PRKG1: variants seen among roughly 807,000 people sequenced by gnomAD.
PRKG1 encodes cGMP-dependent protein kinase 1.
Under a neutral mutation model 88.1 loss-of-function variants are expected in PRKG1, and 35 were observed. The ratio of observed to expected loss-of-function variants is 0.40; its 90% CI spans 0.30 to 0.53. PRKG1 has a LOEUF of 0.53. Among genes scored for constraint, PRKG1 ranks in the 20% least tolerant of loss-of-function variants. PRKG1 has a pLI of 0.59. For missense variants in PRKG1, 540 were observed against 839.8 expected (o/e 0.64, Z 4.41); for synonymous variants, 303 against 292.5 (o/e 1.04, Z -0.37).
intron 2 of PRKG1, among the ~76,000 whole-genome samples, chr10:51,305,659 G>C (rs562483180): frequency 6.6e-6 from 1 of 152,126 alleles, no homozygotes; most frequent in Non-Finnish European, 1.5e-5. Flanking sequence ...TGATTTCAGC[G>C]TCTTCCTTAT....
chr10:51,963,337 A>G (rs1843491081), intron 5 of PRKG1, among the ~76,000 whole-genome samples: 1 of 152,234 alleles, frequency 6.6e-6, no homozygotes, highest in Admixed American at 6.5e-5. Context: ...ATGATGATTT[A>G]GCACGTGCTA....
intron 3 of PRKG1, chr10:51,568,497 C>T (rs1837665258): frequency 6.6e-6 from 1 of 151,904 alleles, no homozygotes; most frequent in Non-Finnish European, 1.5e-5. Context: ...GCCTTGACCT[C>T]TCAAAGTGCT....
intron 2 of PRKG1, among the ~76,000 whole-genome samples, chr10:51,445,641 G>T (rs756534484): frequency 7.3e-5 from 11 of 151,712 alleles, no homozygotes; most frequent in Non-Finnish European, 1.5e-4. Context: ...TGAACAGATG[G>T]CCTATTCATT....
At chr10:51,873,162 A>C (rs1299078601) in intron 4 of PRKG1, among the ~76,000 whole-genome samples, 1 of 152,168 alleles carries the variant, frequency 6.6e-6, no homozygotes, top group African/African-American at 2.4e-5. Context: ...TAAACATGAT[A>C]AATATCATTC....
chr10:52,110,401 T>C (rs888208478), intron 7 of PRKG1, among the ~76,000 whole-genome samples: 4 of 152,112 alleles, frequency 2.6e-5, no homozygotes, highest in Non-Finnish European at 5.9e-5. Context: ...CGTGTAGATC[T>C]CTTTTTGTAC....
chr10:52,290,788 T>A (rs1185783765), intron 17 of PRKG1, among the ~76,000 whole-genome samples: 1 of 152,138 alleles, frequency 6.6e-6, no homozygotes, highest in African/African-American at 2.4e-5. Context: ...CCCAGGAATT[T>A]GAGCTTACAG....
intron 3 of PRKG1, among the ~76,000 whole-genome samples, chr10:51,579,611 G>A (rs1015499724): frequency 6.6e-6 from 1 of 152,078 alleles, no homozygotes; most frequent in African/African-American, 2.4e-5. Flanking sequence ...AAATGGAAGA[G>A]AAAAAGCCAA....
intron 3 of PRKG1, among the ~76,000 whole-genome samples, chr10:51,751,778 A>G (rs1296396558): frequency 6.6e-6 from 1 of 151,386 alleles, no homozygotes; most frequent in African/African-American, 2.4e-5. Flanking sequence ...CTTGAACTCC[A>G]TGTGTTTCCA....
At chr10:51,655,298 T>A (rs1267319231) in intron 3 of PRKG1, among the ~76,000 whole-genome samples, 4 of 152,170 alleles carry the variant, frequency 2.6e-5, no homozygotes, top group Admixed American at 1.3e-4. Flanking sequence ...TGGTTATACA[T>A]AAGATTCTGT....
At chr10:51,026,985 T>A (rs1054948205) in intron 1 of PRKG1, among the ~76,000 whole-genome samples, 4 of 152,154 alleles carry the variant, frequency 2.6e-5, no homozygotes, top group Non-Finnish European at 5.9e-5. Flanking sequence ...CAAATCTATA[T>A]CTGTCAAATC....
At chr10:51,170,214 G>A (rs970787546) in intron 2 of PRKG1, among the ~76,000 whole-genome samples, 10 of 151,906 alleles carry the variant, frequency 6.6e-5, no homozygotes, top group Middle Eastern at 6.3e-3. Context: ...GACAGAATAC[G>A]AAGTTTCTAT....
chr10:51,577,143 AG>A (rs1837909477), intron 3 of PRKG1, among the ~76,000 whole-genome samples: 2 of 152,124 alleles, frequency 1.3e-5, no homozygotes, highest in East Asian at 1.9e-4. Flanking sequence ...TTTATCTAAA[AG>A]CTTTTCCTGG....
chr10:52,224,637 A>G (rs1196689096), intron 9 of PRKG1, among the ~76,000 whole-genome samples: 1 of 141,372 alleles, frequency 7.1e-6, no homozygotes, highest in African/African-American at 2.6e-5. Flanking sequence ...CCATTGTATC[A>G]TTCTTATGCC....
At chr10:51,557,343 C>T (rs1554821451) in intron 3 of PRKG1, among the ~76,000 whole-genome samples, 2 of 135,298 alleles carry the variant, frequency 1.5e-5, no homozygotes, top group Non-Finnish European at 3.2e-5. Context: ...GCATACACCA[C>T]CACCCCCCCA....
chr10:51,145,119 G>T (rs1845912127), intron 1 of PRKG1, among the ~76,000 whole-genome samples: 1 of 152,160 alleles, frequency 6.6e-6, no homozygotes, highest in African/African-American at 2.4e-5. Flanking sequence ...ACACATAGTG[G>T]TGGTGTGAGT....
chr10:52,162,505 A>G (rs1838302489), intron 9 of PRKG1, among the ~76,000 whole-genome samples: 1 of 152,122 alleles, frequency 6.6e-6, no homozygotes, highest in African/African-American at 2.4e-5. Context: ...AAGTAAGTTG[A>G]TATTAGCTTT....
rs144910550 is a variant in PRKG1 at position 51,167,566 on chromosome 10, G to T, written c.478+14236G>T. Among the ~76,000 whole-genome samples the T allele has an allele frequency of 7.1e-3, 1,080 of 152,266 alleles. 6 individuals carry two copies. The highest frequency in any genetic ancestry group is 0.011 in the Non-Finnish European group (746 of 68,000). On this transcript the variant is annotated intron_variant, in intron 2 of 17. Transcript: ENST00000373980. ...ATCTTGGAAGAAAAATTGGATTGTA[G>T]AGTAGTGGGAGAAAAAGGGATACCA...
At chr10:52,135,136 TTTAAG>T (rs1238894536) in intron 8 of PRKG1, among the ~76,000 whole-genome samples, 1 of 151,906 alleles carries the variant, frequency 6.6e-6, no homozygotes, top group Non-Finnish European at 1.5e-5. Context: ...AGAATAAAAT[TTTAAG>T]GGAATTCAGA....
intron 7 of PRKG1, among the ~76,000 whole-genome samples, chr10:52,112,590 A>C (rs1847589646): frequency 6.6e-6 from 1 of 152,140 alleles, no homozygotes; most frequent in Non-Finnish European, 1.5e-5. Flanking sequence ...AACATCTCTC[A>C]TTCTTTCTTG....
Sources: gnomAD v4.1 joint callset for allele counts (sites outside exome capture counted in the v4.1 genomes callset) on GRCh38, gnomAD v4.1.1 for gene constraint, MANE v1.5 for transcripts, NCBI Gene and HGNC (gene_info 2026-07-23, HGNC 2026-07-21) for gene names.